Variants in USP43 observed in about 807,000 individuals in gnomAD.
USP43 encodes ubiquitin carboxyl-terminal hydrolase 43.
Under a neutral mutation model 90.7 loss-of-function variants are expected in USP43, and 33 were observed. The observed-to-expected ratio is 0.36, with a 90% CI of 0.28 to 0.49. The LOEUF is 0.49. Among genes scored for constraint, USP43 ranks in the 20% least tolerant of loss-of-function variants. The pLI is 0.98. For synonymous variants in USP43, 598 were observed against 615.8 expected, an observed-to-expected ratio of 0.97 and a Z score of 0.43; for missense variants, 1,274 against 1,476.4, an observed-to-expected ratio of 0.86 and a Z score of 2.25.
At position 9,686,774 on chromosome 17, in the gene USP43, A is replaced by C. The variant is rs1170263108; in HGVS notation, c.1242-24A>C. 2 of 1,610,174 alleles carry C rather than the reference A, an allele frequency of 1.2e-6. No individual in the cohort carries two copies. The highest frequency in any genetic ancestry group is 4.5e-5 in the East Asian group (2 of 44,838). ...TTGCTGGTTTTTCCTTTGCTGGGAT[A>C]ACCCGATTTCCTTGGATTTTCAGGT... On this transcript the variant is annotated intron_variant, in intron 7 of 14. Coordinates refer to ENST00000285199, the MANE Select transcript of USP43 (RefSeq NM_153210.5). The surrounding 1 kb of genome is among the most constrained non-coding windows in gnomAD (Gnocchi z 5.5).
At chr17:9,669,655 T>G (rs778348180) in intron 3 of USP43, 3 of 152,158 alleles carry the variant, frequency 2.0e-5, no homozygotes, top group Non-Finnish European at 4.4e-5. Flanking sequence ...AAGGAAGCAC[T>G]TGGGAGGCGG....
chr17:9,727,503 A>ATT (rs533288625), intron 14 of USP43, among the ~76,000 whole-genome samples: 1 of 147,044 alleles, frequency 6.8e-6, no homozygotes, highest in Non-Finnish European at 1.5e-5. Flanking sequence ...TTTTAATTCC[A>ATT]TTTTTTTTTT....
intron 7 of USP43, among the ~76,000 whole-genome samples, chr17:9,684,062 A>C (rs1914452246): frequency 6.6e-6 from 1 of 152,052 alleles, no homozygotes; most frequent in African/African-American, 2.4e-5. Context: ...GCTTGAACCC[A>C]GGAGGCAAAT....
chr17:9,710,142 G>T (rs76974432), intron 13 of USP43, 28 bp downstream of exon 13: 17 of 1,410,866 alleles, frequency 1.2e-5, no homozygotes, highest in East Asian at 1.1e-4. Context: ...TGACAGGAGG[G>T]GGGTGTGGGG....
rs2151957394 is a variant in USP43 at position 9,645,637 on chromosome 17, A to G, written c.5A>G (p.Asp2Gly). 1 of 1,223,166 alleles carries G rather than the reference A, an allele frequency of 8.2e-7. No individual in the cohort carries two copies. Among genetic ancestry groups the G allele is most frequent in the Non-Finnish European group, 1.0e-6 (1 of 984,368 alleles). 75.8% of individuals were successfully genotyped at this position (1,223,166 alleles called of 1,614,324 possible). ...GGAGCTGCGCCGGCGGCAGCCATGGACCTGGGCCCCGGGGACGCGGCAGGA... is the reference window on the plus strand; with the variant it reads ...GGAGCTGCGCCGGCGGCAGCCATGGGCCTGGGCCCCGGGGACGCGGCAGGA... M[D>G]LGPGDAAGGG... Residue 2 changes from aspartate (D) to glycine (G), a missense_variant, in exon 1 of 15, where the codon GAC becomes GGC. Physicochemically the swap from Asp to Gly is moderately conservative, Grantham distance 94. This residue lies in a region of USP43 where 112 missense variants were observed against 106.6 expected (regional missense o/e 1.05). Transcript: ENST00000285199. The surrounding 1 kb of genome is among the most constrained non-coding windows in gnomAD (Gnocchi z 6.8).
intron 1 of USP43, among the ~76,000 whole-genome samples, chr17:9,651,501 T>C (rs1343878701): frequency 6.6e-6 from 1 of 152,234 alleles, no homozygotes; most frequent in Non-Finnish European, 1.5e-5. Context: ...AATGTTTTTA[T>C]GTTTCTGTAA....
chr17:9,670,204 A>C (rs754182015), intron 3 of USP43, among the ~76,000 whole-genome samples: 11 of 151,222 alleles, frequency 7.3e-5, no homozygotes, highest in Non-Finnish European at 1.3e-4. Flanking sequence ...ATGCCCAGCA[A>C]ATTTTTGTAT....
rs1914387724 is a variant in USP43, at chr17:9,682,933, G to A, written c.1216G>A (p.Val406Met). ...SKVLILFCNLVGSGQQASRFG... is the reference protein window; with the variant it reads ...SKVLILFCNLMGSGQQASRFG... ...GGTGCTAATCCTCTTCTGTAACTTGGTGGGGTCAGGGCAGCAGGCTAGCAG... is the reference window on the plus strand; with the variant it reads ...GGTGCTAATCCTCTTCTGTAACTTGATGGGGTCAGGGCAGCAGGCTAGCAG... Residue 406 changes from valine to methionine, a missense_variant, in exon 7 of 15, where the codon GTG becomes ATG. Val to Met is a conservative substitution (Grantham distance 21). Transcript: ENST00000285199. The A allele has an allele frequency of 6.2e-7, 1 of 1,613,866 alleles. No homozygotes were observed. The highest frequency in any genetic ancestry group is 2.2e-5 in the East Asian group (1 of 44,892).
rs887047205 is a variant in USP43 at position 9,681,199 on chromosome 17, C to G, written c.1105+833C>G. On this transcript the variant is annotated intron_variant, in intron 6 of 14. Transcript: ENST00000285199. Reference sequence around the variant, plus strand: ...TATATAATATACTATATAATATATACTATATAATATATACATTATATAGAA... The same window carrying G: ...TATATAATATACTATATAATATATAGTATATAATATATACATTATATAGAA... Among the ~76,000 whole-genome samples, 304 of 53,278 alleles carry G rather than the reference C, an allele frequency of 5.7e-3. 40 individuals carry two copies. The highest frequency in any genetic ancestry group is 0.034 in the African/African-American group (285 of 8,484). The allele number at this position is 53,278 out of a possible 152,430, so 35.0% of individuals were successfully genotyped here.
chr17:9,648,724 G>A (rs1191755250), intron 1 of USP43, among the ~76,000 whole-genome samples: 1 of 152,088 alleles, frequency 6.6e-6, no homozygotes, highest in East Asian at 1.9e-4. Flanking sequence ...AGGTGGGGCC[G>A]AGAGACCTTC....
chr17:9,724,745 A>C (rs1427294277), intron 14 of USP43, among the ~76,000 whole-genome samples: 1 of 152,226 alleles, frequency 6.6e-6, no homozygotes, highest in African/African-American at 2.4e-5. Flanking sequence ...GCCAAACCTC[A>C]TAAAGACAGG....
rs572444242 is a variant in USP43, at chr17:9,681,534, C to T, written c.1105+1168C>T. Among the ~76,000 whole-genome samples the T allele has an allele frequency of 1.1e-3, 144 of 130,502 alleles. 1 individual carries two copies. Among genetic ancestry groups the T allele is most frequent in the Non-Finnish European group, 2.1e-3 (126 of 61,422 alleles). 85.6% of individuals were successfully genotyped at this position (130,502 alleles called of 152,430 possible). On this transcript the variant is annotated intron_variant, in intron 6 of 14. Transcript: ENST00000285199. ...TTTGAGATGGTTTCTCACTCTGTCA[C>T]CCAGGCTGGAGTGCAGTGGCGTGAT...
At chr17:9,689,512 A>G (rs1914802736) in intron 8 of USP43, among the ~76,000 whole-genome samples, 1 of 151,982 alleles carries the variant, frequency 6.6e-6, no homozygotes, top group African/African-American at 2.4e-5. Context: ...CCTGGGCTCA[A>G]GTGATCCTCC....
intron 14 of USP43, among the ~76,000 whole-genome samples, chr17:9,713,114 A>G (rs1035740211): frequency 6.6e-6 from 1 of 152,006 alleles, no homozygotes; most frequent in African/African-American, 2.4e-5. Flanking sequence ...TTTTTGAGAC[A>G]GAGTCTCACT....
chr17:9,681,462 TTATATATATA>T (rs1184883523), intron 6 of USP43, among the ~76,000 whole-genome samples: 190 of 18,534 alleles, frequency 0.01, 1 homozygote, highest in Admixed American at 0.021. Flanking sequence ...ATAAAATATA[TTATATATATA>T]TATATATATA....
Position 9,701,665 on chromosome 17 carries a change from A to G in USP43, c.1976A>G (p.Asn659Ser). 1.3e-6 allele frequency: 2 copies of G among 1,582,028 alleles called. No homozygotes were observed. Among genetic ancestry groups the G allele is most frequent in the South Asian group, 1.2e-5 (1 of 86,024 alleles). ...CTGTACGACCTGTATGCCGTCTGCA[A>G]CCACCATGGCAACCTGCAAGGTGGG... ...DFLYDLYAVC[N>S]HHGNLQGGHY... Residue 659 changes from asparagine (N) to serine (S), a missense_variant, in exon 12 of 15, where the codon AAC becomes AGC. Asn to Ser is a conservative substitution (Grantham distance 46). Coordinates refer to ENST00000285199, the MANE Select transcript of USP43 (RefSeq NM_153210.5). This position sits in a 1 kb window ranked among gnomAD's most constrained non-coding sequence, Gnocchi z 7.2.
chr17:9,720,645 C>T (rs1009788872), intron 14 of USP43, among the ~76,000 whole-genome samples: 11 of 151,968 alleles, frequency 7.2e-5, no homozygotes, highest in African/African-American at 2.7e-4. Flanking sequence ...TGCACCACCA[C>T]GCCCGGCTAA....
chr17:9,720,881 G>A (rs546599716), intron 14 of USP43, among the ~76,000 whole-genome samples: 1 of 152,298 alleles, frequency 6.6e-6, no homozygotes, highest in African/African-American at 2.4e-5. Context: ...CAATGCCCAG[G>A]AGCAGCCCCG....
intron 5 of USP43, among the ~76,000 whole-genome samples, chr17:9,678,052 G>T (rs957284768): frequency 1.3e-5 from 2 of 152,170 alleles, no homozygotes; most frequent in East Asian, 1.9e-4. Context: ...TGAAAGAGAC[G>T]GAGAGAGAGG....
Sources: gnomAD v4.1 joint callset for allele counts (sites outside exome capture counted in the v4.1 genomes callset) on GRCh38, gnomAD v4.1.1 for gene constraint, gnomAD v4.1.1 regional missense constraint, Gnocchi (gnomAD v3.1) non-coding constraint, MANE v1.5 for transcripts, NCBI Gene and HGNC (gene_info 2026-07-23, HGNC 2026-07-21) for gene names.